Variants in RFC1 observed in about 807,000 individuals in gnomAD.
The protein encoded by RFC1 is A1 140 kDa subunit.
RFC1 carries 37 observed loss-of-function variants against 137.4 expected under a neutral mutation model. The observed-to-expected ratio is 0.27, with a 90% CI of 0.21 to 0.35. The LOEUF is 0.35. Among genes scored for constraint, RFC1 ranks in the 10% least tolerant of loss-of-function variants. The probability of loss-of-function intolerance (pLI) is 1.00; values close to 1 mark genes in which losing one functional copy is unlikely to be tolerated. For missense variants in RFC1, 1,205 were observed against 1,358.5 expected (o/e 0.89, Z 1.78); for synonymous variants, 429 against 455.7 (o/e 0.94, Z 0.75).
chr4:39,348,650 C>T (rs2109750737), intron 2 of RFC1, among the ~76,000 whole-genome samples: 1 of 151,968 alleles, frequency 6.6e-6, no homozygotes, highest in Non-Finnish European at 1.5e-5. Flanking sequence ...CAGGACAACA[C>T]AGCTATTCTT....
At chr4:39,306,467 AAC>A (rs909483654) in intron 14 of RFC1, 123 bp downstream of exon 14, 11 of 559,880 alleles carry the variant, frequency 2.0e-5, no homozygotes, top group African/African-American at 1.0e-4. Context: ...TAGAAAAATA[AAC>A]ACAGTTTATA....
chr4:39,305,353 A>C (rs7668484), intron 14 of RFC1, among the ~76,000 whole-genome samples: 148,506 of 152,264 alleles, frequency 0.98, 72,526 homozygotes, highest in Middle Eastern at 1. Flanking sequence ...CACCTGTAAT[A>C]CCAGCGCTTT....
At chr4:39,299,195 C>A (rs1738204271) in intron 21 of RFC1, among the ~76,000 whole-genome samples, 1 of 152,188 alleles carries the variant, frequency 6.6e-6, no homozygotes, top group South Asian at 2.1e-4. Flanking sequence ...CGGCCCATCC[C>A]TTCATTTCCC....
At chr4:39,345,802 G>A (rs1740833333) in intron 2 of RFC1, among the ~76,000 whole-genome samples, 1 of 152,172 alleles carries the variant, frequency 6.6e-6, no homozygotes, top group Non-Finnish European at 1.5e-5. Context: ...ATTTGTCAAT[G>A]TCTAGAAACA....
intron 22 of RFC1, among the ~76,000 whole-genome samples, chr4:39,294,499 G>C (rs1578101820): frequency 2.6e-5 from 1 of 39,208 alleles, no homozygotes; most frequent in South Asian, 5.3e-4. Context: ...TGGTGAAACC[G>C]TCTCTACTAA....
intron 22 of RFC1, among the ~76,000 whole-genome samples, chr4:39,294,088 G>C (rs1384262264): frequency 6.6e-6 from 1 of 152,214 alleles, no homozygotes; most frequent in African/African-American, 2.4e-5. Context: ...TCAGGACTGA[G>C]GGTTGATGCC....
chr4:39,340,956 G>A (rs1273166997), intron 4 of RFC1, among the ~76,000 whole-genome samples: 5 of 152,016 alleles, frequency 3.3e-5, no homozygotes, highest in African/African-American at 7.2e-5. Flanking sequence ...ACTGCCTAAC[G>A]TTCATAAAAA....
intron 1 of RFC1, among the ~76,000 whole-genome samples, chr4:39,360,312 C>T (rs1371482785): frequency 6.6e-6 from 1 of 151,912 alleles, no homozygotes; most frequent in Non-Finnish European, 1.5e-5. Context: ...AACAGCCTGG[C>T]CAATATGGGG....
chr4:39,348,243 A>C (rs1331183589), intron 2 of RFC1, among the ~76,000 whole-genome samples: 1 of 151,336 alleles, frequency 6.6e-6, no homozygotes, highest in Non-Finnish European at 1.5e-5. Context: ...CCAATATGGT[A>C]AAACCCCATC....
intron 3 of RFC1, among the ~76,000 whole-genome samples, 153 bp downstream of exon 3, chr4:39,345,248 C>G (rs1442288594): frequency 6.6e-6 from 1 of 152,150 alleles, no homozygotes; most frequent in Non-Finnish European, 1.5e-5. Context: ...CTCCTGACCT[C>G]AAGTCATCTG....
At chr4:39,291,907 A>T in intron 22 of RFC1, 55 bp from the exon 23 acceptor site, 5 of 1,222,320 alleles carry the variant, frequency 4.1e-6, no homozygotes, top group Non-Finnish European at 6.1e-6. Flanking sequence ...CTCAAGTCAT[A>T]CTGTGCATAA....
chr4:39,296,342 G>A lies in RFC1; in HGVS notation c.2809-583C>T, dbSNP rs1472345367. Among the ~76,000 whole-genome samples the A allele has an allele frequency of 5.3e-5, 7 of 132,658 alleles. 1 individual carries two copies. The highest frequency in any genetic ancestry group is 3.1e-4 in the Admixed American group (4 of 13,000). 87.0% of individuals were successfully genotyped at this position (132,658 alleles called of 152,430 possible). A position where few individuals can be genotyped will look rare whatever the true frequency, so the allele number is the denominator to read the frequency against. On this transcript the variant is annotated intron_variant, in intron 21 of 24. Coordinates refer to ENST00000349703, the MANE Select transcript of RFC1 (RefSeq NM_002913.5). ...ATGTATACATGTGCCATGCTGGTGC[G>A]CTGCACCCACTAACTCGTCATCTAG...
intron 3 of RFC1, among the ~76,000 whole-genome samples, chr4:39,344,363 C>T (rs1420859449): frequency 6.6e-6 from 1 of 152,094 alleles, no homozygotes; most frequent in African/African-American, 2.4e-5. Flanking sequence ...TTCAATAAAG[C>T]ACAAAAATTA....
intron 3 of RFC1, among the ~76,000 whole-genome samples, chr4:39,342,703 T>C (rs1323084026): frequency 6.6e-6 from 1 of 152,198 alleles, no homozygotes; most frequent in Admixed American, 6.5e-5. Flanking sequence ...CTAAATTTAT[T>C]ATCTTCCAGT....
chr4:39,313,367 T>G (rs539523881), intron 10 of RFC1, among the ~76,000 whole-genome samples: 85 of 152,340 alleles, frequency 5.6e-4, no homozygotes, highest in Non-Finnish European at 9.7e-4. Flanking sequence ...GCAGGTATAC[T>G]CCTATCATTT....
At chr4:39,308,439 C>T (rs980067350) in intron 13 of RFC1, among the ~76,000 whole-genome samples, 197 bp downstream of exon 13, 2 of 152,148 alleles carry the variant, frequency 1.3e-5, no homozygotes, top group African/African-American at 4.8e-5. Context: ...TCCCCCACTG[C>T]CTGTGAGCTC....
intron 24 of RFC1, 113 bp from the exon 25 acceptor site, chr4:39,288,957 G>C: frequency 1.3e-6 from 1 of 750,750 alleles, no homozygotes; most frequent in Non-Finnish European, 2.2e-6. Flanking sequence ...AAAAAGAAGA[G>C]AGGCTGCAAA....
Position 39,315,072 on chromosome 4 carries a change from A to G in RFC1, c.1203+1843T>C, listed in dbSNP as rs540165931. 3.3e-5 allele frequency among the ~76,000 whole-genome samples: 5 copies of G among 152,286 alleles called. 1 individual carries two copies. The highest frequency in any genetic ancestry group is 1.2e-4 in the African/African-American group (5 of 41,550). ...GTCCTCCCACTTCTTTCTCCTTCAC[A>G]GCCAAACTTATCAAAAATATCTACT... On this transcript the variant is annotated intron_variant, in intron 10 of 24. Coordinates refer to ENST00000349703, the MANE Select transcript of RFC1 (RefSeq NM_002913.5).
intron 7 of RFC1, 180 bp downstream of exon 7, chr4:39,323,160 G>C (rs555005444): frequency 2.6e-5 from 11 of 415,146 alleles, no homozygotes. Flanking sequence ...TTTTGATGCC[G>C]TCACCCTTCT....
Sources: allele counts gnomAD v4.1 joint callset (sites outside exome capture counted in the v4.1 genomes callset), GRCh38; gene constraint gnomAD v4.1.1; transcripts MANE v1.5; gene names NCBI Gene and HGNC (gene_info 2026-07-23, HGNC 2026-07-21).